MRPL49: variants seen among roughly 807,000 people sequenced by gnomAD.
MRPL49 encodes the protein large ribosomal subunit protein mL49.
In MRPL49, 14 loss-of-function variants were observed where a neutral mutation model predicts 18.4. The ratio of observed to expected loss-of-function variants is 0.76; its 90% CI spans 0.50 to 1.19. The LOEUF is 1.19. Among genes scored for constraint, MRPL49 ranks in the 50% most tolerant of loss-of-function variants. The pLI, the probability that MRPL49 is intolerant of heterozygous loss-of-function variation, is 0.00. For missense variants in MRPL49, 190 were observed against 217.8 expected (o/e 0.87, Z 0.80); for synonymous variants, 104 against 86.2 (o/e 1.21, Z -1.14).
In MRPL49 at chr11:65,126,678, G is replaced by A. The variant is rs112641426; in HGVS notation, c.*806G>A. 1,146 of 315,212 alleles carry A rather than the reference G, an allele frequency of 3.6e-3. 11 individuals carry two copies. The highest frequency in any genetic ancestry group is 0.023 in the African/African-American group (1,085 of 47,034). 19.5% of individuals were successfully genotyped at this position (315,212 alleles called of 1,614,324 possible). ...AGATGACTCGGGCATGGGTCTTGGA[G>A]ATCTTCTGTTCAAAGTACAGTGCTG... is the stretch of plus-strand genomic sequence containing the variant. On this transcript the variant is annotated 3_prime_UTR_variant, in exon 4 of 4. Transcript: ENST00000279242.
chr11:65,125,418 G>A, intron 2 of MRPL49, 70 bp from the exon 3 acceptor site: 1 of 1,601,208 alleles, frequency 6.2e-7, no homozygotes, highest in Non-Finnish European at 8.5e-7. Flanking sequence ...CAGACTGAGA[G>A]CAAGGGCCTT....
In MRPL49 at chr11:65,125,980, C is replaced by G; in HGVS notation, c.*108C>G. The G allele has an allele frequency of 1.5e-6, 2 of 1,370,790 alleles. No homozygotes were observed. The highest frequency in any genetic ancestry group is 1.5e-5 in the African/African-American group (1 of 68,594). The allele number at this position is 1,370,790 out of a possible 1,614,324, so 84.9% of individuals were successfully genotyped here. On this transcript the variant is annotated 3_prime_UTR_variant, in exon 4 of 4. Transcript: ENST00000279242. ...GCCCCTGAGACAGGGGATACAGAAA[C>G]TAGGGCTAAAGGACTTTGGGGTCAG... is the stretch of plus-strand genomic sequence containing the variant.
At position 65,126,132 on chromosome 11, in the gene MRPL49, G is replaced by T; in HGVS notation, c.*260G>T. The T allele has an allele frequency of 2.6e-6, 1 of 387,658 alleles. No individual in the cohort carries two copies. The highest frequency in any genetic ancestry group is 4.3e-5 in the Admixed American group (1 of 23,200). 24.0% of individuals were successfully genotyped at this position (387,658 alleles called of 1,614,324 possible). ...AGCAGCTTTCTCTCCCTCCTATCTT[G>T]GCCTGTTCTTTTTTGTTTTTTGAGA... is the stretch of plus-strand genomic sequence containing the variant. On this transcript the variant is annotated 3_prime_UTR_variant, in exon 4 of 4. Transcript: ENST00000279242.
At chr11:65,122,452 G>A (rs1404415559) in intron 1 of MRPL49, 28 bp downstream of exon 1, 11 of 1,597,040 alleles carry the variant, frequency 6.9e-6, no homozygotes, top group Non-Finnish European at 9.4e-6. Flanking sequence ...GGAGCTGAGG[G>A]CATCGCGTGG....
Position 65,125,765 on chromosome 11 carries a change from C to T in MRPL49, c.394C>T (p.Leu132=), listed in dbSNP as rs768320019. ...KDVEDFLSPL[L]GKTPVTQVNE... is the part of the protein sequence containing the mutation. ...CGTGGAAGATTTTCTGAGCCCGCTG[C>T]TGGGGAAGACACCTGTCACCCAGGT... The change falls in exon 4 of 4, where the codon CTG becomes TTG. Residue 132 remains leucine (L), a synonymous_variant. Transcript: ENST00000279242. 1 of 1,613,668 alleles carries T rather than the reference C, an allele frequency of 6.2e-7. No individual in the cohort carries two copies. Among genetic ancestry groups the T allele is most frequent in the Non-Finnish European group, 8.5e-7 (1 of 1,180,002 alleles).
At position 65,124,605 on chromosome 11, in the gene MRPL49, C is replaced by A; in HGVS notation, c.182C>A (p.Pro61Gln). Residue 61 changes from proline (P) to glutamine (Q), a missense_variant, in exon 2 of 4, where the codon CCA becomes CAA. Coordinates refer to ENST00000279242, the MANE Select transcript of MRPL49 (RefSeq NM_004927.4). ...LLPATRIPDP[P>Q]KHEHYPTPSG... ...CCGGCTACCAGGATCCCAGATCCCC[C>A]AAAGCATGAACATTATCCTACCCCT... is the stretch of plus-strand genomic sequence containing the variant. The A allele has an allele frequency of 6.2e-7, 1 of 1,614,202 alleles. No individual in the cohort carries two copies. The highest frequency in any genetic ancestry group is 8.5e-7 in the Non-Finnish European group (1 of 1,180,038).
chr11:65,126,121 C>T lies in MRPL49; in HGVS notation c.*249C>T. 2.3e-6 allele frequency: 1 copy of T among 439,996 alleles called. No homozygotes were observed. Among genetic ancestry groups the T allele is most frequent in the Non-Finnish European group, 4.0e-6 (1 of 247,634 alleles). The allele number at this position is 439,996 out of a possible 1,614,324, so 27.3% of individuals were successfully genotyped here. Reference sequence around the variant, plus strand: ...TGGGGGGCGTCAGCAGCTTTCTCTCCCTCCTATCTTGGCCTGTTCTTTTTT... The same window carrying T: ...TGGGGGGCGTCAGCAGCTTTCTCTCTCTCCTATCTTGGCCTGTTCTTTTTT... On this transcript the variant is annotated 3_prime_UTR_variant, in exon 4 of 4. Coordinates refer to ENST00000279242, the MANE Select transcript of MRPL49 (RefSeq NM_004927.4).
intron 2 of MRPL49, 104 bp from the exon 3 acceptor site, chr11:65,125,384 C>T (rs1170413317): frequency 1.3e-6 from 2 of 1,502,104 alleles, no homozygotes; most frequent in Non-Finnish European, 1.8e-6. Context: ...GTGGCTTGGT[C>T]CAGCTGGGTG....
chr11:65,123,379 T>G (rs943539464), intron 1 of MRPL49, among the ~76,000 whole-genome samples: 3 of 152,178 alleles, frequency 2.0e-5, no homozygotes, highest in Non-Finnish European at 4.4e-5. Context: ...AAAAGGATAT[T>G]TATTCGGGAA....
Position 65,122,406 on chromosome 11 carries a change from C to A in MRPL49, c.60C>A (p.Gly20=), listed in dbSNP as rs1325181596. The change falls in exon 1 of 4, where the codon GGC becomes GGA. Residue 20 remains glycine, a synonymous_variant. Coordinates refer to ENST00000279242, the MANE Select transcript of MRPL49 (RefSeq NM_004927.4). The part of the protein sequence containing the change: ...LRGWRTGVQR[G]CGLRLLSQTQ... Reference sequence around the variant, plus strand: ...GATGGAGAACCGGTGTCCAGCGGGGCTGCGGGCTACGGCTGTTGGTGAGAG... The same window carrying A: ...GATGGAGAACCGGTGTCCAGCGGGGATGCGGGCTACGGCTGTTGGTGAGAG... 3.1e-6 allele frequency: 5 copies of A among 1,612,832 alleles called. No homozygotes were observed. In the East Asian group the frequency reaches 1.1e-4, roughly 36 times the overall value.
Position 65,122,403 on chromosome 11 carries a change from G to A in MRPL49, c.57G>A (p.Arg19=), listed in dbSNP as rs1948060639. Residue 19 remains arginine, a synonymous_variant, in exon 1 of 4, where the codon CGG becomes CGA. Coordinates refer to ENST00000279242, the MANE Select transcript of MRPL49 (RefSeq NM_004927.4). ...GGGGATGGAGAACCGGTGTCCAGCG[G>A]GGCTGCGGGCTACGGCTGTTGGTGA... is the stretch of plus-strand genomic sequence containing the variant. ...TLRGWRTGVQ[R]GCGLRLLSQT... 3 of 1,613,030 alleles carry A rather than the reference G, an allele frequency of 1.9e-6. 1 individual carries two copies. In the South Asian group the frequency reaches 3.3e-5, roughly 18 times the overall value.
At position 65,125,804 on chromosome 11, in the gene MRPL49, G is replaced by A; in HGVS notation, c.433G>A (p.Gly145Ser). ...TPVTQVNEVT[G>S]TLRIKGYFDQ... The stretch of plus-strand genomic sequence containing the variant: ...TGTCACCCAGGTCAATGAGGTGACA[G>A]GTACCCTACGGATCAAGGGCTACTT... Residue 145 changes from glycine to serine, a missense_variant, in exon 4 of 4, where the codon GGT becomes AGT. By Grantham distance (56) the Gly-to-Ser change is moderately conservative. Coordinates refer to ENST00000279242, the MANE Select transcript of MRPL49 (RefSeq NM_004927.4). The A allele has an allele frequency of 6.2e-7, 1 of 1,612,960 alleles. No individual in the cohort carries two copies. Among genetic ancestry groups the A allele is most frequent in the Non-Finnish European group, 8.5e-7 (1 of 1,179,930 alleles).
chr11:65,125,963 G>A lies in MRPL49; in HGVS notation c.*91G>A. 6.9e-7 allele frequency: 1 copy of A among 1,458,424 alleles called. No individual in the cohort carries two copies. Among genetic ancestry groups the A allele is most frequent in the Non-Finnish European group, 9.2e-7 (1 of 1,083,210 alleles). The allele number at this position is 1,458,424 out of a possible 1,614,324, so 90.3% of individuals were successfully genotyped here. On this transcript the variant is annotated 3_prime_UTR_variant, in exon 4 of 4. Coordinates refer to ENST00000279242, the MANE Select transcript of MRPL49 (RefSeq NM_004927.4). ...GGGAGGTGGGTGTTGGAGCCCCTGAGACAGGGGATACAGAAACTAGGGCTA... is the reference window on the plus strand; with the variant it reads ...GGGAGGTGGGTGTTGGAGCCCCTGAAACAGGGGATACAGAAACTAGGGCTA...
At chr11:65,122,313 T>C (rs778271981), upstream of MRPL49, 2 of 1,605,916 alleles carry the variant, frequency 1.2e-6, no homozygotes, top group Admixed American at 3.4e-5. Context: ...GACCAGACAG[T>C]TGCGCGCACA....
chr11:65,122,318 C>T (rs745917230), upstream of MRPL49: 7 of 1,607,550 alleles, frequency 4.4e-6, no homozygotes, highest in South Asian at 1.1e-5. Flanking sequence ...GACAGTTGCG[C>T]GCACAGAAGG....
At position 65,125,566 on chromosome 11, in the gene MRPL49, G is replaced by C; in HGVS notation, c.308G>C (p.Gly103Ala). ...NIPVYKDITH[G>A]NRQMTVIRKV... ...CCCGTCTACAAGGACATCACGCATGGCAACCGGCAGATGACTGTGATCCGG... is the reference window on the plus strand; with the variant it reads ...CCCGTCTACAAGGACATCACGCATGCCAACCGGCAGATGACTGTGATCCGG... The change falls in exon 3 of 4, where the codon GGC becomes GCC. Residue 103 changes from glycine (G) to alanine (A), a missense_variant. By Grantham distance (60) the Gly-to-Ala change is moderately conservative. Coordinates refer to ENST00000279242, the MANE Select transcript of MRPL49 (RefSeq NM_004927.4). 2 of 1,610,816 alleles carry C rather than the reference G, an allele frequency of 1.2e-6. No individual in the cohort carries two copies. The highest frequency in any genetic ancestry group is 1.7e-6 in the Non-Finnish European group (2 of 1,179,072).
chr11:65,126,797 G>C lies in MRPL49; in HGVS notation c.*925G>C. On this transcript the variant is annotated 3_prime_UTR_variant, in exon 4 of 4. Transcript: ENST00000279242. ...CACTGTTCCATTGCAGACCAGACTT[G>C]CTGGCCTGACCACAAGGGAGTGGCT... The C allele has an allele frequency of 1.8e-6, 1 of 553,918 alleles. No individual in the cohort carries two copies. Among genetic ancestry groups the C allele is most frequent in the Non-Finnish European group, 3.2e-6 (1 of 313,272 alleles). 34.3% of individuals were successfully genotyped at this position (553,918 alleles called of 1,614,324 possible). A position where few individuals can be genotyped will look rare whatever the true frequency, so the allele number is the denominator to read the frequency against.
chr11:65,122,877 G>A (rs1030342562), intron 1 of MRPL49, among the ~76,000 whole-genome samples: 3 of 151,968 alleles, frequency 2.0e-5, no homozygotes, highest in Admixed American at 2.0e-4. Flanking sequence ...CCGCCACCAT[G>A]CCCGGCTAAT....
At chr11:65,122,190 A>G (rs1329508448), upstream of MRPL49, 12 of 704,878 alleles carry the variant, frequency 1.7e-5, no homozygotes, top group Non-Finnish European at 2.6e-5. Context: ...GTCACTGCTG[A>G]GCGACCGCGC....
Sources: gnomAD v4.1 joint callset for allele counts (sites outside exome capture counted in the v4.1 genomes callset) on GRCh38, gnomAD v4.1.1 for gene constraint, MANE v1.5 for transcripts, NCBI Gene and HGNC (gene_info 2026-07-23, HGNC 2026-07-21) for gene names.